Variants in NSUN6 observed in about 807,000 individuals in gnomAD.
NSUN6 encodes tRNA (cytosine(72)-C(5))-methyltransferase NSUN6.
A neutral mutation model predicts 58.0 loss-of-function variants in NSUN6; 64 were observed. The ratio of observed to expected loss-of-function variants is 1.10; its 90% CI spans 0.90 to 1.36. NSUN6 has a LOEUF of 1.36. Among genes scored for constraint, NSUN6 ranks in the 40% most tolerant of loss-of-function variants. The probability of loss-of-function intolerance (pLI) is 0.00; values close to 1 mark genes in which losing one functional copy is unlikely to be tolerated. For missense variants in NSUN6, 701 were observed against 550.1 expected (o/e 1.27, Z -2.74); for synonymous variants, 231 against 193.9 (o/e 1.19, Z -1.59).
At chr10:18,628,816 T>C (rs952902955) in intron 3 of NSUN6, among the ~76,000 whole-genome samples, 1 of 152,192 alleles carries the variant, frequency 6.6e-6, no homozygotes, top group African/African-American at 2.4e-5. Context: ...TGGAATCAAG[T>C]TGGAAAACAC....
chr10:18,643,358 C>T (rs377575458), intron 2 of NSUN6, among the ~76,000 whole-genome samples: 8 of 151,798 alleles, frequency 5.3e-5, no homozygotes, highest in East Asian at 3.9e-4. Flanking sequence ...ACGCAAATAT[C>T]TGACAACAAG....
In NSUN6 at chr10:18,566,275, TCCATTCTCCATC is replaced by T. The variant is rs1437313334; in HGVS notation, c.923-14316_923-14305del. ...CATTCCATTCCGTTCTCCATTCCAT[TCCATTCTCCATC>T]CCATTCTATTCCATTCTCCATTCTT... On this transcript the variant is annotated intron_variant, in intron 8 of 10. Coordinates refer to ENST00000377304, the MANE Select transcript of NSUN6 (RefSeq NM_182543.5). Among the ~76,000 whole-genome samples, 94 of 135,054 alleles carry T rather than the reference TCCATTCTCCATC, an allele frequency of 7.0e-4. 1 individual carries two copies. The highest frequency in any genetic ancestry group is 2.4e-3 in the African/African-American group (91 of 38,640). The allele number at this position is 135,054 out of a possible 152,430, so 88.6% of individuals were successfully genotyped here.
At chr10:18,628,062 A>G (rs1455356900) in intron 3 of NSUN6, among the ~76,000 whole-genome samples, 1 of 152,190 alleles carries the variant, frequency 6.6e-6, no homozygotes, top group Non-Finnish European at 1.5e-5. Context: ...TGGAGATCTG[A>G]GAACGGGCAG....
chr10:18,628,363 G>A (rs4573590), intron 3 of NSUN6, among the ~76,000 whole-genome samples: 32,193 of 152,034 alleles, frequency 0.21, 3,744 homozygotes, highest in South Asian at 0.31. Context: ...CTCCTCCAAA[G>A]GAATACAGTT....
intron 8 of NSUN6, among the ~76,000 whole-genome samples, chr10:18,567,033 C>T (rs1479923897): frequency 6.6e-6 from 1 of 151,166 alleles, no homozygotes; most frequent in South Asian, 2.1e-4. Flanking sequence ...TTCTCCATTC[C>T]ATTCCATATT....
intron 3 of NSUN6, among the ~76,000 whole-genome samples, chr10:18,626,185 A>G (rs2131431867): frequency 6.6e-6 from 1 of 152,114 alleles, no homozygotes; most frequent in African/African-American, 2.4e-5. Context: ...CACTGCATCC[A>G]TGTGAATTAT....
intron 8 of NSUN6, among the ~76,000 whole-genome samples, chr10:18,584,217 T>A (rs2057028573): frequency 6.6e-6 from 1 of 152,192 alleles, no homozygotes; most frequent in African/African-American, 2.4e-5. Context: ...AACTTATTCC[T>A]GCCCAGGAAG....
chr10:18,642,153 A>G (rs1473555163), intron 3 of NSUN6, among the ~76,000 whole-genome samples: 1 of 152,188 alleles, frequency 6.6e-6, no homozygotes, highest in Non-Finnish European at 1.5e-5. Flanking sequence ...AAAGAGTTTT[A>G]ATTTAGCACT....
chr10:18,644,632 C>T (rs1017547411), intron 2 of NSUN6, among the ~76,000 whole-genome samples: 1 of 150,318 alleles, frequency 6.7e-6, no homozygotes, highest in Non-Finnish European at 1.5e-5. Context: ...GTCAGGAGAT[C>T]GAGACCATCC....
chr10:18,576,995 T>G (rs2056682716), intron 8 of NSUN6, among the ~76,000 whole-genome samples: 1 of 152,196 alleles, frequency 6.6e-6, no homozygotes, highest in African/African-American at 2.4e-5. Flanking sequence ...CCAGATCAAT[T>G]TAAAGCCTGA....
intron 6 of NSUN6, among the ~76,000 whole-genome samples, chr10:18,603,079 G>T (rs950671741): frequency 6.6e-6 from 1 of 152,006 alleles, no homozygotes; most frequent in East Asian, 1.9e-4. Context: ...GATCACTTGA[G>T]GCCAGGAGTT....
At chr10:18,632,001 A>G (rs2059047538) in intron 3 of NSUN6, among the ~76,000 whole-genome samples, 1 of 151,960 alleles carries the variant, frequency 6.6e-6, no homozygotes, top group Non-Finnish European at 1.5e-5. Context: ...CTGACTTCAA[A>G]CTATACTACA....
intron 8 of NSUN6, among the ~76,000 whole-genome samples, chr10:18,570,417 C>CTCCAT (rs1489440348): frequency 1.3e-4 from 19 of 148,082 alleles, no homozygotes; most frequent in Admixed American, 6.8e-4. Flanking sequence ...CCCTTCCATT[C>CTCCAT]TCCATTCCAT....
At chr10:18,600,953 T>TGTATAC (rs1263976018) in intron 6 of NSUN6, among the ~76,000 whole-genome samples, 18 of 90,740 alleles carry the variant, frequency 2.0e-4, no homozygotes, top group Admixed American at 5.1e-4. Flanking sequence ...TATATATATA[T>TGTATAC]ATATATACAT....
chr10:18,633,427 T>A (rs149387942), intron 3 of NSUN6, among the ~76,000 whole-genome samples: 3 of 151,908 alleles, frequency 2.0e-5, no homozygotes, highest in African/African-American at 7.2e-5. Context: ...AATAAATTAA[T>A]TAAATAAAAT....
intron 8 of NSUN6, among the ~76,000 whole-genome samples, chr10:18,582,821 T>C (rs1274081601): frequency 1.3e-5 from 2 of 152,170 alleles, no homozygotes; most frequent in African/African-American, 4.8e-5. Flanking sequence ...AGGAGTGACA[T>C]CTCAGCTGCA....
intron 8 of NSUN6, among the ~76,000 whole-genome samples, chr10:18,575,898 G>A (rs927966606): frequency 4.6e-5 from 7 of 152,030 alleles, no homozygotes; most frequent in South Asian, 2.1e-4. Flanking sequence ...TAGTACAGGC[G>A]CTGTCCTTAG....
At chr10:18,566,500 C>T (rs1278847649) in intron 8 of NSUN6, among the ~76,000 whole-genome samples, 1 of 149,140 alleles carries the variant, frequency 6.7e-6, no homozygotes, top group Non-Finnish European at 1.5e-5. Flanking sequence ...CCATTCCATT[C>T]CATTCTCCAT....
chr10:18,573,276 CT>C (rs753447124), intron 8 of NSUN6, among the ~76,000 whole-genome samples: 20 of 149,294 alleles, frequency 1.3e-4, no homozygotes, highest in Non-Finnish European at 2.4e-4. Context: ...GCATTCCATT[CT>C]GCATACTCCA....
Sources: allele counts gnomAD v4.1 joint callset (sites outside exome capture counted in the v4.1 genomes callset), GRCh38; gene constraint gnomAD v4.1.1; transcripts MANE v1.5; gene names NCBI Gene and HGNC (gene_info 2026-07-23, HGNC 2026-07-21).